The following TNS1 variants were observed in gnomAD, a reference collection of about 807,000 sequenced individuals.
TNS1 encodes the protein tensin-1.
TNS1 carries 62 observed loss-of-function variants against 168.6 expected under a neutral mutation model. The observed-to-expected ratio is 0.37, with a 90% CI of 0.30 to 0.45. The LOEUF (loss-of-function observed/expected upper bound fraction) is 0.45. TNS1 is among the 20% of genes least tolerant of loss of function. The pLI is 1.00. For synonymous variants in TNS1, 934 were observed against 933.2 expected, an observed-to-expected ratio of 1.00 and a Z score of -0.02; for missense variants, 2,240 against 2,339.4, an observed-to-expected ratio of 0.96 and a Z score of 0.88.
At chr2:217,909,522 C>A (rs994067469) in intron 4 of TNS1, among the ~76,000 whole-genome samples, 7 of 151,960 alleles carry the variant, frequency 4.6e-5, no homozygotes, top group Non-Finnish European at 1.0e-4. Context: ...CAAACTTGAA[C>A]ATGCATAGCA....
Position 217,836,195 on chromosome 2 carries a change from C to T in TNS1, c.3024G>A (p.Glu1008=). Residue 1008 remains glutamate, a synonymous_variant, in exon 20 of 33, where the codon GAG becomes GAA. Transcript: ENST00000682258. ...GGGCTGGGGGCTCTGCAGGCTGCTT[C>T]TCCCGAGCCTGTACCCCTGGGAGGA... ...AHRVAGVQAR[E]KQPAEPPAPL... The T allele has an allele frequency of 6.2e-7, 1 of 1,611,322 alleles. No individual in the cohort carries two copies. Among genetic ancestry groups the T allele is most frequent in the Non-Finnish European group, 8.5e-7 (1 of 1,178,526 alleles).
intron 10 of TNS1, 38 bp from the exon 11 acceptor site, chr2:217,893,050 G>C (rs889956963): frequency 6.2e-7 from 1 of 1,612,560 alleles, no homozygotes; most frequent in African/African-American, 1.3e-5. Flanking sequence ...TTATTTCTAA[G>C]GCCAGCCTTG....
At chr2:217,936,150 G>A (rs530604358) in intron 3 of TNS1, among the ~76,000 whole-genome samples, 2 of 152,302 alleles carry the variant, frequency 1.3e-5, no homozygotes, top group African/African-American at 2.4e-5. Context: ...GGCTGCCTCC[G>A]AGCAATCAGG....
intron 7 of TNS1, 48 bp downstream of exon 7, chr2:217,900,415 A>G (rs1209422281): frequency 2.0e-6 from 3 of 1,524,092 alleles, no homozygotes; most frequent in African/African-American, 2.8e-5. Context: ...ACCCACAGTG[A>G]CCCCCCTGCT....
intron 3 of TNS1, among the ~76,000 whole-genome samples, chr2:217,941,721 G>A (rs1042899781): frequency 6.6e-6 from 1 of 151,962 alleles, no homozygotes; most frequent in Non-Finnish European, 1.5e-5. Flanking sequence ...GCCCTTATTC[G>A]GCCTCTGTCT....
intron 12 of TNS1, among the ~76,000 whole-genome samples, chr2:217,889,496 G>C (rs1951534489): frequency 6.6e-6 from 1 of 152,226 alleles, no homozygotes; most frequent in Non-Finnish European, 1.5e-5. Context: ...CTTGTAGTCA[G>C]TGCTATTCCC....
Position 217,859,745 on chromosome 2 carries a change from C to T in TNS1, c.1430-10658G>A, listed in dbSNP as rs1037131043. ...GCAGAGTATCACTTTTCAGAGTTCGCAATGCCTCACCCTCGTTCCCAACCA... is the reference window on the plus strand; with the variant it reads ...GCAGAGTATCACTTTTCAGAGTTCGTAATGCCTCACCCTCGTTCCCAACCA... On this transcript the variant is annotated intron_variant, in intron 18 of 32. Transcript: ENST00000682258. 4 of 1,453,244 alleles carry T rather than the reference C, an allele frequency of 2.8e-6. No homozygotes were observed. In the African/African-American group the frequency reaches 4.2e-5, roughly 15 times the overall value. The allele number at this position is 1,453,244 out of a possible 1,614,324, so 90.0% of individuals were successfully genotyped here.
chr2:217,850,392 G>T (rs898894356), intron 18 of TNS1: 10 of 985,226 alleles, frequency 1.0e-5, no homozygotes, highest in African/African-American at 5.2e-5. Flanking sequence ...GTCTTCATGG[G>T]GGAGAGGGTC....
At chr2:217,807,720 C>T (rs2125062270) in intron 32 of TNS1, among the ~76,000 whole-genome samples, 1 of 152,336 alleles carries the variant, frequency 6.6e-6, no homozygotes, top group East Asian at 1.9e-4. Context: ...AAAGCAAGAG[C>T]AGAAATAAAG....
intron 18 of TNS1, among the ~76,000 whole-genome samples, chr2:217,869,549 A>G (rs933234773): frequency 6.6e-5 from 10 of 152,024 alleles, no homozygotes; most frequent in Non-Finnish European, 1.2e-4. Context: ...ACCCACCCCC[A>G]CCTGCGTGGG....
chr2:217,951,808 T>C lies in TNS1; in HGVS notation c.186+26957A>G, dbSNP rs181838181. On this transcript the variant is annotated intron_variant, in intron 3 of 32. Coordinates refer to ENST00000682258, the MANE Select transcript of TNS1 (RefSeq NM_001387777.1). Reference sequence around the variant, plus strand: ...CCACGCAATCACTGGAAGTCTCCCATAGTGGTAGCTTCACAGGCTAGACGT... The same window carrying C: ...CCACGCAATCACTGGAAGTCTCCCACAGTGGTAGCTTCACAGGCTAGACGT... 5.0e-4 allele frequency among the ~76,000 whole-genome samples: 76 copies of C among 152,292 alleles called. 1 individual carries two copies. The East Asian group carries it at 0.013, about 27-fold the overall frequency.
chr2:217,905,535 A>G (rs1422166278), intron 6 of TNS1: 1 of 284,032 alleles, frequency 3.5e-6, no homozygotes, highest in Non-Finnish European at 7.1e-6. Flanking sequence ...CAGCTGTCAG[A>G]TGATAGGGCC....
At chr2:218,009,875 A>T (rs2105998822) in intron 1 of TNS1, among the ~76,000 whole-genome samples, 1 of 152,030 alleles carries the variant, frequency 6.6e-6, no homozygotes, top group African/African-American at 2.4e-5. Flanking sequence ...GCGCTGGGGG[A>T]GGGGCAGCAA....
intron 18 of TNS1, among the ~76,000 whole-genome samples, chr2:217,872,394 G>A (rs546289646): frequency 7.9e-4 from 121 of 152,340 alleles, no homozygotes; most frequent in African/African-American, 2.8e-3. Flanking sequence ...AAAGGAAACA[G>A]AGGATGTGGA....
chr2:217,849,104 C>T lies in TNS1; in HGVS notation c.1430-17G>A, dbSNP rs775507996. 1.3e-4 allele frequency: 210 copies of T among 1,598,048 alleles called. No homozygotes were observed. The highest frequency in any genetic ancestry group is 2.1e-4 in the Middle Eastern group (1 of 4,746). ...CCACCACCTCTGCAAGGGACAGAGC[C>T]GGAGGGGAGACAACAGACAACAGAC... is the stretch of plus-strand genomic sequence containing the variant. On this transcript the variant is annotated splice_polypyrimidine_tract_variant and intron_variant, in intron 18 of 32. Coordinates refer to ENST00000682258, the MANE Select transcript of TNS1 (RefSeq NM_001387777.1).
At chr2:217,877,898 C>A (rs968154074) in intron 18 of TNS1, among the ~76,000 whole-genome samples, 4 of 152,086 alleles carry the variant, frequency 2.6e-5, no homozygotes, top group African/African-American at 9.7e-5. Flanking sequence ...GTGCTCCCTG[C>A]CCCCCTCCTC....
rs1559142755 is a variant in TNS1 at position 217,809,932 on chromosome 2, T to C, written c.5164A>G (p.Ile1722Val). ...DMESLTGPQA[I>V]SKATSETLAA... ...AACGTCTCAGATGTGGCTTTAGAGA[T>C]GGCCTGTGGCCCAGTGAGTGACTCC... Residue 1722 changes from isoleucine to valine, a missense_variant, in exon 30 of 33, where the codon ATC becomes GTC. Transcript: ENST00000682258. The C allele has an allele frequency of 1.9e-6, 3 of 1,613,610 alleles. No individual in the cohort carries two copies. The highest frequency in any genetic ancestry group is 2.2e-5 in the East Asian group (1 of 44,856).
intron 18 of TNS1, among the ~76,000 whole-genome samples, chr2:217,865,621 G>T (rs1019472974): frequency 7.2e-5 from 11 of 152,186 alleles, no homozygotes; most frequent in Non-Finnish European, 1.3e-4. Context: ...GCATCGACTG[G>T]CTGTAAAGAT....
chr2:217,991,916 G>T (rs1318701945), intron 1 of TNS1, among the ~76,000 whole-genome samples: 7 of 152,140 alleles, frequency 4.6e-5, no homozygotes, highest in Non-Finnish European at 7.4e-5. Flanking sequence ...GAGGCAGGCT[G>T]GTGGCCCAAG....
Sources: allele counts gnomAD v4.1 joint callset (sites outside exome capture counted in the v4.1 genomes callset), GRCh38; gene constraint gnomAD v4.1.1; transcripts MANE v1.5; gene names NCBI Gene and HGNC (gene_info 2026-07-23, HGNC 2026-07-21).